The following DNAH11 variants were observed in gnomAD, a reference collection of about 807,000 sequenced individuals.
DNAH11 encodes the protein dynein axonemal heavy chain 11.
In DNAH11, 442 loss-of-function variants were observed where a neutral mutation model predicts 526.0. The ratio of observed to expected loss-of-function variants is 0.84; its 90% CI spans 0.78 to 0.91. The LOEUF (loss-of-function observed/expected upper bound fraction) is 0.91, where lower values mean the gene tolerates loss of function less well. DNAH11 is among the 40% of genes least tolerant of loss of function. The pLI, the probability that DNAH11 is intolerant of heterozygous loss-of-function variation, is 0.00. For missense variants in DNAH11, 6,989 were observed against 5,448.7 expected (o/e 1.28, Z -8.90); for synonymous variants, 2,461 against 1,935.9 (o/e 1.27, Z -7.12).
Position 21,880,869 on chromosome 7 carries a change from C to G in DNAH11, c.12363C>G (p.Tyr4121Ter), listed in dbSNP as rs121908855. 2.7e-5 allele frequency: 43 copies of G among 1,609,232 alleles called. No homozygotes were observed. The highest frequency in any genetic ancestry group is 1.1e-5 in the Non-Finnish European group (13 of 1,178,790). ...GDLTICASVL[Y>*]NYLEANSKVP... ...TCACCATTTGTGCCAGTGTCCTCTA[C>G]AACTACTTAGAGGCAAACTCTAAAG... Residue 4121 changes from tyrosine (Y) to a stop codon, truncating the protein, a stop_gained, in exon 75 of 82, where the codon TAC becomes TAG. Coordinates refer to ENST00000409508, the MANE Select transcript of DNAH11 (RefSeq NM_001277115.2). LOFTEE classifies it high-confidence loss of function.
intron 75 of DNAH11, among the ~76,000 whole-genome samples, chr7:21,883,877 A>G (rs558393378): frequency 1.3e-5 from 2 of 152,252 alleles, no homozygotes; most frequent in East Asian, 3.9e-4. Flanking sequence ...CCCCATCTCT[A>G]CAAAATTTTT....
intron 68 of DNAH11, 138 bp from the exon 69 acceptor site, chr7:21,861,715 A>G: frequency 1.4e-6 from 1 of 721,284 alleles, no homozygotes; most frequent in Non-Finnish European, 2.2e-6. Flanking sequence ...CATGTGCCAG[A>G]AACTATAATC....
intron 55 of DNAH11, 76 bp from the exon 56 acceptor site, chr7:21,773,690 C>A: frequency 6.1e-6 from 6 of 990,122 alleles, no homozygotes; most frequent in South Asian, 2.7e-5. Context: ...AAAAAATGAT[C>A]ATTTACTTGA....
chr7:21,588,688 A>G (rs1324524405), intron 11 of DNAH11, 52 bp downstream of exon 11: 19 of 1,583,728 alleles, frequency 1.2e-5, no homozygotes, highest in Non-Finnish European at 1.6e-5. Flanking sequence ...TACGGGTGAC[A>G]TTTTATATAA....
intron 63 of DNAH11, among the ~76,000 whole-genome samples, chr7:21,811,228 C>T (rs528761952): frequency 6.6e-6 from 1 of 152,164 alleles, no homozygotes; most frequent in South Asian, 2.1e-4. Context: ...TTTGGGAGGC[C>T]ATGGCGGGCA....
intron 76 of DNAH11, among the ~76,000 whole-genome samples, chr7:21,887,591 A>G (rs1307888991): frequency 6.6e-6 from 1 of 152,202 alleles, no homozygotes; most frequent in Admixed American, 6.5e-5. Flanking sequence ...AGAATGATCA[A>G]CTTACAGGTT....
chr7:21,837,259 G>T (rs532843294), intron 65 of DNAH11, among the ~76,000 whole-genome samples: 1 of 152,132 alleles, frequency 6.6e-6, no homozygotes, highest in Non-Finnish European at 1.5e-5. Context: ...AATGAAATCA[G>T]CATGTCAAAA....
intron 65 of DNAH11, among the ~76,000 whole-genome samples, chr7:21,833,447 C>T (rs1382360713): frequency 6.6e-6 from 1 of 152,132 alleles, no homozygotes. Flanking sequence ...AATGCCAGCA[C>T]TTTGGGAAGC....
intron 65 of DNAH11, among the ~76,000 whole-genome samples, chr7:21,836,896 G>T (rs1782015971): frequency 6.6e-6 from 1 of 151,858 alleles, no homozygotes; most frequent in African/African-American, 2.4e-5. Flanking sequence ...CAATTTAGTA[G>T]CAAAAAAATG....
chr7:21,669,270 C>T (rs112840851), intron 30 of DNAH11, among the ~76,000 whole-genome samples: 1 of 65,244 alleles, frequency 1.5e-5, no homozygotes, highest in African/African-American at 3.2e-5. Flanking sequence ...CTCCTGGGCT[C>T]GAGCGATTCT....
chr7:21,645,461 A>G (rs185216220), intron 28 of DNAH11, among the ~76,000 whole-genome samples: 1 of 152,340 alleles, frequency 6.6e-6, no homozygotes, highest in East Asian at 1.9e-4. Flanking sequence ...TTTCTCCTCG[A>G]GACATTTGAT....
rs1236547544 is a variant in DNAH11, at chr7:21,900,147, G to C, written c.13303+27G>C. On this transcript the variant is annotated intron_variant, in intron 81 of 81. Coordinates refer to ENST00000409508, the MANE Select transcript of DNAH11 (RefSeq NM_001277115.2). ...TAAGACACCCCAAGGGGTAAGTGGGGAACCTTTTCTTACTCAGGTTCAGAT... is the reference window on the plus strand; with the variant it reads ...TAAGACACCCCAAGGGGTAAGTGGGCAACCTTTTCTTACTCAGGTTCAGAT... 2.5e-6 allele frequency: 4 copies of C among 1,586,528 alleles called. No individual in the cohort carries two copies. In the African/African-American group the frequency reaches 5.4e-5, roughly 22 times the overall value.
intron 55 of DNAH11, among the ~76,000 whole-genome samples, chr7:21,765,845 G>C (rs1195710176): frequency 2.0e-5 from 3 of 152,212 alleles, no homozygotes; most frequent in African/African-American, 4.8e-5. Context: ...CACGCACACA[G>C]CACTTGAGTA....
At chr7:21,603,247 T>C (rs992745390) in intron 18 of DNAH11, among the ~76,000 whole-genome samples, 5 of 152,254 alleles carry the variant, frequency 3.3e-5, no homozygotes, top group African/African-American at 1.2e-4. Context: ...TCATTTCTTT[T>C]TATGGCTGAA....
intron 2 of DNAH11, among the ~76,000 whole-genome samples, chr7:21,545,947 A>C (rs1159282978): frequency 6.6e-6 from 1 of 152,184 alleles, no homozygotes; most frequent in African/African-American, 2.4e-5. Flanking sequence ...GGTCACACCC[A>C]TACCAGTTAA....
rs751507185 is a variant in DNAH11 at position 21,861,834 on chromosome 7, G to A, written c.11203-19G>A. 6.2e-7 allele frequency: 1 copy of A among 1,609,358 alleles called. No homozygotes were observed. The highest frequency in any genetic ancestry group is 8.5e-7 in the Non-Finnish European group (1 of 1,178,120). ...AGGCACCAGTTGTCACATTTTAATG[G>A]TCACATTAAATTTCCCAGGCTTTTA... is the stretch of plus-strand genomic sequence containing the variant. On this transcript the variant is annotated intron_variant, in intron 68 of 81. Transcript: ENST00000409508.
intron 65 of DNAH11, among the ~76,000 whole-genome samples, chr7:21,821,924 T>G (rs1460286297): frequency 2.0e-5 from 3 of 152,058 alleles, no homozygotes; most frequent in Non-Finnish European, 4.4e-5. Flanking sequence ...TGAGACCCGA[T>G]TTTTTAGCTC....
At chr7:21,591,064 T>A (rs1784658095) in intron 13 of DNAH11, 42 bp downstream of exon 13, 1 of 1,384,056 alleles carries the variant, frequency 7.2e-7, no homozygotes, top group East Asian at 2.8e-5. Context: ...GGGCCTATTA[T>A]GAATATAAAT....
chr7:21,739,728 G>A lies in DNAH11; in HGVS notation c.7914+55G>A, dbSNP rs954013400. The A allele has an allele frequency of 7.3e-6, 10 of 1,365,950 alleles. No homozygotes were observed. The African/African-American group carries it at 1.3e-4, about 18-fold the overall frequency. The allele number at this position is 1,365,950 out of a possible 1,614,324, so 84.6% of individuals were successfully genotyped here. A position where few individuals can be genotyped will look rare whatever the true frequency, so the allele number is the denominator to read the frequency against. On this transcript the variant is annotated intron_variant, in intron 48 of 81. Transcript: ENST00000409508. ...TGTAGGTCTGTATTGTATTGTTTTC[G>A]AGTACAGCTTAGGATTCCTATGGGA...
Sources: allele counts gnomAD v4.1 joint callset (sites outside exome capture counted in the v4.1 genomes callset), GRCh38; gene constraint gnomAD v4.1.1; transcripts MANE v1.5; gene names NCBI Gene and HGNC (gene_info 2026-07-23, HGNC 2026-07-21).